Variants in ZNF875 observed in about 807,000 individuals in gnomAD.
The protein encoded by ZNF875 is HKR1, GLI-Kruppel zinc finger family member.
In ZNF875, 14 loss-of-function variants were observed where a neutral mutation model predicts 11.2. The observed-to-expected ratio is 1.26, with a 90% CI of 0.83 to 1.96. The LOEUF (loss-of-function observed/expected upper bound fraction) is 1.96. Among genes scored for constraint, ZNF875 ranks in the 30% most tolerant of loss-of-function variants. The pLI is 0.00. For missense variants in ZNF875, 752 were observed against 760.4 expected (o/e 0.99, Z 0.13); for synonymous variants, 301 against 281.1 (o/e 1.07, Z -0.71).
At chr19:37,344,810 C>G in intron 2 of ZNF875, 1 of 1,254,400 alleles carries the variant, frequency 8.0e-7, no homozygotes. Flanking sequence ...ACTAATTGCT[C>G]TGTGATGTAG....
intron 2 of ZNF875, among the ~76,000 whole-genome samples, chr19:37,322,791 G>A (rs763684729): frequency 1.3e-5 from 2 of 152,142 alleles, no homozygotes; most frequent in South Asian, 4.2e-4. Context: ...AGTTTACAGG[G>A]AAGCCCATAT....
At chr19:37,359,868 G>A (rs2039615428) in intron 4 of ZNF875, 1 of 152,160 alleles carries the variant, frequency 6.6e-6, no homozygotes, top group Non-Finnish European at 1.5e-5. Context: ...ATTTCTCCCT[G>A]TCTGTGGCTT....
chr19:37,313,546 A>G (rs1249533042), upstream of ZNF875, among the ~76,000 whole-genome samples: 2 of 152,050 alleles, frequency 1.3e-5, no homozygotes, highest in African/African-American at 4.8e-5. Context: ...ACATACCTAC[A>G]ATCATTGATT....
intron 1 of ZNF875, among the ~76,000 whole-genome samples, chr19:37,321,019 C>G (rs769793048): frequency 6.6e-6 from 1 of 152,210 alleles, no homozygotes; most frequent in Admixed American, 6.5e-5. Flanking sequence ...TTGAAGGCAG[C>G]ATGCTTGTTA....
chr19:37,363,502 T>C lies in ZNF875; in HGVS notation c.1650T>C (p.Phe550=). The C allele has an allele frequency of 6.2e-7, 1 of 1,612,856 alleles. No homozygotes were observed. Among genetic ancestry groups the C allele is most frequent in the South Asian group, 1.1e-5 (1 of 90,988 alleles). The change falls in exon 5 of 5, where the codon TTT becomes TTC. Residue 550 remains phenylalanine, a synonymous_variant. Transcript: ENST00000392153. ...GRRFRQKPNL[F]RHKRAHSGAF... is the part of the protein sequence containing the mutation. Reference sequence around the variant, plus strand: ...GGTTTCGGCAGAAGCCTAACCTGTTTAGGCACAAGAGGGCACACTCAGGTG... The same window carrying C: ...GGTTTCGGCAGAAGCCTAACCTGTTCAGGCACAAGAGGGCACACTCAGGTG...
Position 37,347,190 on chromosome 19 carries a change from G to C in ZNF875, c.34G>C (p.Ala12Pro). ...ATGLLRAKKE[A>P]FVAFRDVAVY... is the part of the protein sequence containing the mutation. ...AGCAGAGGTGTGTTTTGTGTTAAAG[G>C]CGTTCGTGGCATTCAGGGATGTGGC... The change falls in exon 3 of 5, where the codon GCG becomes CCG. Residue 12 changes from alanine (A) to proline (P), a missense_variant and splice_region_variant. Coordinates refer to ENST00000392153, the MANE Select transcript of ZNF875 (RefSeq NM_001353803.2). The C allele has an allele frequency of 6.2e-7, 1 of 1,613,992 alleles. No homozygotes were observed. Among genetic ancestry groups the C allele is most frequent in the Non-Finnish European group, 8.5e-7 (1 of 1,179,956 alleles).
intron 4 of ZNF875, chr19:37,359,386 C>A: frequency 5.2e-6 from 1 of 191,744 alleles, no homozygotes; most frequent in Non-Finnish European, 1.1e-5. Flanking sequence ...ATAAGAATGG[C>A]ATTGTGAAAT....
intron 4 of ZNF875, 200 bp from the exon 5 acceptor site, chr19:37,361,909 C>T (rs1224451855): frequency 7.7e-6 from 4 of 516,362 alleles, no homozygotes; most frequent in Admixed American, 4.1e-5. Flanking sequence ...AGAAAGACTC[C>T]GTTTAAAAAA....
intron 4 of ZNF875, among the ~76,000 whole-genome samples, chr19:37,352,925 A>C (rs1056007860): frequency 1.3e-4 from 16 of 126,804 alleles, no homozygotes; most frequent in South Asian, 2.4e-4. Flanking sequence ...CCGAGACTGG[A>C]GTGCAGTGGT....
At chr19:37,344,971 C>A (rs905645698) in intron 2 of ZNF875, 16 of 546,408 alleles carry the variant, frequency 2.9e-5, no homozygotes, top group Non-Finnish European at 5.4e-5. Flanking sequence ...ATGGAAAAAA[C>A]CAGGAAGCCT....
chr19:37,352,998 C>T (rs150350699), intron 4 of ZNF875, among the ~76,000 whole-genome samples: 20 of 149,796 alleles, frequency 1.3e-4, no homozygotes, highest in Admixed American at 3.4e-4. Flanking sequence ...CTCAGCTTCC[C>T]GAGTAGCTGG....
At chr19:37,319,390 A>G (rs1279527226) in intron 1 of ZNF875, among the ~76,000 whole-genome samples, 1 of 125,722 alleles carries the variant, frequency 8.0e-6, no homozygotes, top group African/African-American at 3.3e-5. Flanking sequence ...TAATGACACT[A>G]TCTCCTAAAT....
chr19:37,325,037 C>CA (rs1462906950), intron 4 of ZNF875: 1 of 152,354 alleles, frequency 6.6e-6, no homozygotes, highest in African/African-American at 2.4e-5. Context: ...CTCAGCCTCT[C>CA]AAAGTGCTGG....
chr19:37,316,057 A>G (rs1486331633), upstream of ZNF875, among the ~76,000 whole-genome samples: 1 of 152,190 alleles, frequency 6.6e-6, no homozygotes, highest in African/African-American at 2.4e-5. Context: ...GCATTCATCA[A>G]AATTATAGTA....
intron 4 of ZNF875, among the ~76,000 whole-genome samples, chr19:37,348,195 C>A (rs2037189913): frequency 6.6e-6 from 1 of 152,198 alleles, no homozygotes; most frequent in Admixed American, 6.5e-5. Context: ...TACGACACTT[C>A]TAGATACTTT....
intron 2 of ZNF875, among the ~76,000 whole-genome samples, chr19:37,339,985 A>T (rs530808907): frequency 6.6e-6 from 1 of 151,464 alleles, no homozygotes; most frequent in African/African-American, 2.4e-5. Context: ...TTCATTTATT[A>T]TTATTATTAT....
Position 37,362,756 on chromosome 19 carries a change from A to C in ZNF875, c.904A>C (p.Arg302=). The change falls in exon 5 of 5, where the codon AGG becomes CGG. Residue 302 remains arginine (R), a synonymous_variant. Coordinates refer to ENST00000392153, the MANE Select transcript of ZNF875 (RefSeq NM_001353803.2). Reference sequence around the variant, plus strand: ...GAAGTCAAACCTGATCACACATCAGAGGACACACTCAGGGGAGAAACCTTA... The same window carrying C: ...GAAGTCAAACCTGATCACACATCAGCGGACACACTCAGGGGAGAAACCTTA... ...TWKSNLITHQ[R]THSGEKPYVC... 6.2e-7 allele frequency: 1 copy of C among 1,613,882 alleles called. No homozygotes were observed. Among genetic ancestry groups the C allele is most frequent in the South Asian group, 1.1e-5 (1 of 91,046 alleles).
chr19:37,338,969 G>T (rs1013829912), intron 2 of ZNF875, among the ~76,000 whole-genome samples: 6 of 152,104 alleles, frequency 3.9e-5, no homozygotes, highest in Admixed American at 6.6e-5. Context: ...TGTTAAATTT[G>T]TAACAATGAG....
chr19:37,347,467 A>G, intron 3 of ZNF875, 151 bp downstream of exon 3: 1 of 701,348 alleles, frequency 1.4e-6, no homozygotes, highest in Admixed American at 3.0e-5. Flanking sequence ...GATTTAGTAG[A>G]ATTGAAAGCA....
Sources: gnomAD v4.1 joint callset for allele counts (sites outside exome capture counted in the v4.1 genomes callset) on GRCh38, gnomAD v4.1.1 for gene constraint, MANE v1.5 for transcripts, NCBI Gene and HGNC (gene_info 2026-07-23, HGNC 2026-07-21) for gene names.